DSTYK: variants seen among roughly 807,000 people sequenced by gnomAD.
The protein encoded by DSTYK is RIP-homologous kinase.
A neutral mutation model predicts 98.7 loss-of-function variants in DSTYK; 34 were observed. That is an observed-to-expected ratio of 0.34 (90% CI 0.26 to 0.46). The LOEUF (loss-of-function observed/expected upper bound fraction) is 0.46, where lower values mean the gene tolerates loss of function less well. Ranked by LOEUF, DSTYK falls within the 20% of genes least tolerant of loss-of-function variation. The pLI, the probability that DSTYK is intolerant of heterozygous loss-of-function variation, is 1.00. For synonymous variants in DSTYK, 462 were observed against 457.3 expected, an observed-to-expected ratio of 1.01 and a Z score of -0.13; for missense variants, 962 against 1,181.7, an observed-to-expected ratio of 0.81 and a Z score of 2.73.
intron 1 of DSTYK, among the ~76,000 whole-genome samples, chr1:205,189,152 C>CA (rs61199006): frequency 2.2e-4 from 33 of 150,704 alleles, no homozygotes; most frequent in East Asian, 3.9e-4. Flanking sequence ...AAATCTAAAA[C>CA]AAAAAAAAAC....
At chr1:205,164,256 G>A (rs1346029051) in intron 3 of DSTYK, among the ~76,000 whole-genome samples, 25 of 152,070 alleles carry the variant, frequency 1.6e-4, no homozygotes, top group Non-Finnish European at 1.5e-5. Context: ...AGTTCAAGAT[G>A]AGCTTGGGTA....
In DSTYK at chr1:205,150,680, C is replaced by T. The variant is rs1482560374; in HGVS notation, c.2467G>A (p.Gly823Arg). The T allele has an allele frequency of 6.2e-7, 1 of 1,612,698 alleles. No homozygotes were observed. Among genetic ancestry groups the T allele is most frequent in the Non-Finnish European group, 8.5e-7 (1 of 1,179,170 alleles). The change falls in exon 11 of 13, where the codon GGG (glycine) becomes AGG (arginine). Residue 823 changes from glycine to arginine, a missense_variant and splice_region_variant. Physicochemically the swap from Gly to Arg is moderately radical, Grantham distance 125. Coordinates refer to ENST00000367162, the MANE Select transcript of DSTYK (RefSeq NM_015375.3). This position sits in a 1 kb window ranked among gnomAD's most constrained non-coding sequence, Gnocchi z 4.1. ...PIHMAPELFT[G>R]KYDNSVDVYA... ...CCCACTGCCTGCCCTCCAGCCTTACCTGTGAAAAGTTCAGGGGCCATATGG... is the reference window on the plus strand; with the variant it reads ...CCCACTGCCTGCCCTCCAGCCTTACTTGTGAAAAGTTCAGGGGCCATATGG...
At position 205,147,666 on chromosome 1, in the gene DSTYK, C is replaced by T; in HGVS notation, c.2682G>A (p.Leu894=). The T allele has an allele frequency of 6.2e-7, 1 of 1,614,156 alleles. No homozygotes were observed. ...GGACAATGCCCAAGAGAGGCCTCTT[C>T]AAGGGGTCGCCATCCCAACAGGCTT... is the stretch of plus-strand genomic sequence containing the variant. ...LMEACWDGDP[L]KRPLLGIVQP... Residue 894 remains leucine (L), a synonymous_variant, in exon 13 of 13, where the codon TTG becomes TTA. Coordinates refer to ENST00000367162, the MANE Select transcript of DSTYK (RefSeq NM_015375.3).
chr1:205,209,082 G>A (rs113793100), intron 1 of DSTYK, among the ~76,000 whole-genome samples: 1 of 152,274 alleles, frequency 6.6e-6, no homozygotes, highest in South Asian at 2.1e-4. Flanking sequence ...CAGTCAACTG[G>A]AAAAGCCAAT....
At chr1:205,160,817 C>T (rs1453479210) in intron 7 of DSTYK, among the ~76,000 whole-genome samples, 2 of 151,306 alleles carry the variant, frequency 1.3e-5, no homozygotes, top group Admixed American at 1.3e-4. Context: ...GAGTCTTGCT[C>T]TGTCACCCAG....
chr1:205,147,265 T>G lies in DSTYK; in HGVS notation c.*293A>C, dbSNP rs997568647. On this transcript the variant is annotated 3_prime_UTR_variant, in exon 13 of 13. Transcript: ENST00000367162. Reference sequence around the variant, plus strand: ...ACAGTGAAAAGACAATGGTAACATCTGCCTCCTTTTCATTTGTGAAGCCAG... The same window carrying G: ...ACAGTGAAAAGACAATGGTAACATCGGCCTCCTTTTCATTTGTGAAGCCAG... 4.7e-5 allele frequency: 13 copies of G among 276,326 alleles called. No homozygotes were observed. In the South Asian group the frequency reaches 1.2e-3, roughly 25 times the overall value. 17.1% of individuals were successfully genotyped at this position (276,326 alleles called of 1,614,324 possible). A position where few individuals can be genotyped will look rare whatever the true frequency, so the allele number is the denominator to read the frequency against.
intron 11 of DSTYK, among the ~76,000 whole-genome samples, 181 bp from the exon 12 acceptor site, chr1:205,148,520 C>T (rs1301359893): frequency 6.6e-6 from 1 of 152,188 alleles, no homozygotes; most frequent in Non-Finnish European, 1.5e-5. Flanking sequence ...ATACAATCAA[C>T]TAAGACATTG....
rs774559459 is a variant in DSTYK at position 205,150,184 on chromosome 1, A to G, written c.2467+496T>C. Reference sequence around the variant, plus strand: ...ATTTCCCAAATCTGACTCAAGTTCTATTCAAAATCTCACCTCCATCACAAA... The same window carrying G: ...ATTTCCCAAATCTGACTCAAGTTCTGTTCAAAATCTCACCTCCATCACAAA... On this transcript the variant is annotated intron_variant, in intron 11 of 12. Coordinates refer to ENST00000367162, the MANE Select transcript of DSTYK (RefSeq NM_015375.3). This position sits in a 1 kb window ranked among gnomAD's most constrained non-coding sequence, Gnocchi z 4.1. Among the ~76,000 whole-genome samples the G allele has an allele frequency of 2.6e-5, 4 of 152,180 alleles. No individual in the cohort carries two copies. The highest frequency in any genetic ancestry group is 4.4e-5 in the Non-Finnish European group (3 of 68,028).
At chr1:205,147,777 G>A (rs748810883) in intron 12 of DSTYK, 32 bp from the exon 13 acceptor site, 24 of 1,604,008 alleles carry the variant, frequency 1.5e-5, no homozygotes, top group Non-Finnish European at 2.0e-5. Flanking sequence ...CAAGATCACA[G>A]TGAGAGGGAC....
intron 1 of DSTYK, among the ~76,000 whole-genome samples, chr1:205,198,586 G>A (rs1001957608): frequency 3.0e-4 from 45 of 151,900 alleles, no homozygotes; most frequent in African/African-American, 9.2e-4. Flanking sequence ...TTCCTAAAAC[G>A]TAAACTCCAT....
At chr1:205,152,480 C>A (rs1657433576) in intron 10 of DSTYK, among the ~76,000 whole-genome samples, 1 of 152,140 alleles carries the variant, frequency 6.6e-6, no homozygotes, top group Non-Finnish European at 1.5e-5. Context: ...CCTGGCCAGT[C>A]CATTATAATC....
intron 2 of DSTYK, among the ~76,000 whole-genome samples, chr1:205,174,017 G>T (rs1035810842): frequency 2.0e-5 from 3 of 152,070 alleles, no homozygotes; most frequent in African/African-American, 7.2e-5. Flanking sequence ...ACCATGCCTG[G>T]CCCAATACTG....
chr1:205,178,054 C>T (rs1383903356), intron 2 of DSTYK, among the ~76,000 whole-genome samples: 1 of 152,112 alleles, frequency 6.6e-6, no homozygotes, highest in African/African-American at 2.4e-5. Flanking sequence ...ACAAGCTCAT[C>T]TCCCTACCTA....
At chr1:205,191,489 G>A (rs1009728830) in intron 1 of DSTYK, among the ~76,000 whole-genome samples, 1 of 152,112 alleles carries the variant, frequency 6.6e-6, no homozygotes, top group Non-Finnish European at 1.5e-5. Context: ...AATGCTCGTC[G>A]GTAAATGGAG....
intron 1 of DSTYK, among the ~76,000 whole-genome samples, chr1:205,208,095 G>C (rs901548443): frequency 2.0e-5 from 3 of 152,104 alleles, no homozygotes; most frequent in South Asian, 2.1e-4. Context: ...GGCCAGGCTG[G>C]TCTCCAACTC....
rs1438367933 is a variant in DSTYK, at chr1:205,160,237, C to T, written c.1982G>A (p.Gly661Asp). ...ACACAGGTATACCACACCATACTGG[C>T]CCCGGCCCAGTTCCTGTCCCAGTTT... ...KPKLGQELGRGQYGVVYLCDN... is the reference protein window; with the variant it reads ...KPKLGQELGRDQYGVVYLCDN... Residue 661 changes from glycine to aspartate, a missense_variant, in exon 8 of 13, where the codon GGC becomes GAC. This residue lies in a region of DSTYK where 660 missense variants were observed against 855.0 expected (regional missense o/e 0.77). Coordinates refer to ENST00000367162, the MANE Select transcript of DSTYK (RefSeq NM_015375.3). 1 of 1,614,160 alleles carries T rather than the reference C, an allele frequency of 6.2e-7. No homozygotes were observed. The highest frequency in any genetic ancestry group is 2.2e-5 in the East Asian group (1 of 44,888).
intron 5 of DSTYK, 60 bp downstream of exon 5, chr1:205,162,863 C>G: frequency 7.8e-7 from 1 of 1,285,504 alleles, no homozygotes; most frequent in Non-Finnish European, 1.1e-6. Context: ...ACTGGGGTCA[C>G]TATGATTCAT....
chr1:205,183,476 TGAG>T (rs1187942266), intron 2 of DSTYK, among the ~76,000 whole-genome samples: 1 of 152,234 alleles, frequency 6.6e-6, no homozygotes, highest in Non-Finnish European at 1.5e-5. Context: ...GGCTAATTTA[TGAG>T]GACTTTAAAA....
intron 2 of DSTYK, among the ~76,000 whole-genome samples, chr1:205,172,576 A>G (rs1393757680): frequency 6.6e-6 from 1 of 151,912 alleles, no homozygotes; most frequent in African/African-American, 2.4e-5. Flanking sequence ...CAGCCTCCCA[A>G]AGTGCTGAGA....
Sources: allele counts gnomAD v4.1 joint callset (sites outside exome capture counted in the v4.1 genomes callset), GRCh38; gene constraint gnomAD v4.1.1; regional missense constraint gnomAD v4.1.1; non-coding constraint Gnocchi (gnomAD v3.1); transcripts MANE v1.5; gene names NCBI Gene and HGNC (gene_info 2026-07-23, HGNC 2026-07-21).